EPHB6: variants seen among roughly 807,000 people sequenced by gnomAD.
EPHB6 encodes the protein ephrin type-B receptor 6.
In EPHB6, 51 loss-of-function variants were observed where a neutral mutation model predicts 107.0. That is an observed-to-expected ratio of 0.48 (90% CI 0.38 to 0.60). EPHB6 has a LOEUF of 0.60. Ranked by LOEUF, EPHB6 falls within the 20% of genes least tolerant of loss-of-function variation. EPHB6 has a pLI of 0.00. For synonymous variants in EPHB6, 553 were observed against 549.0 expected, an observed-to-expected ratio of 1.01 and a Z score of -0.10; for missense variants, 1,141 against 1,355.5, an observed-to-expected ratio of 0.84 and a Z score of 2.48.
chr7:142,863,473 G>C (rs145674909), intron 5 of EPHB6, 146 bp downstream of exon 5: 3 of 1,182,520 alleles, frequency 2.5e-6, no homozygotes, highest in Non-Finnish European at 3.8e-6. Context: ...ACCCACATCA[G>C]ATTTGTCAGA....
rs758344426 is a variant in EPHB6 at position 142,866,946 on chromosome 7, C to T, written c.1628C>T (p.Thr543Ile). ...ESHSFTLTSE[T>I]NTATVTQLSP... ...CACTCCTTCACCCTGACCAGCGAGA[C>T]CAACACTGCCACCGTGACACAGCTG... The change falls in exon 11 of 20, where the codon ACC (threonine) becomes ATC (isoleucine). Residue 543 changes from threonine to isoleucine, a missense_variant. Physicochemically the swap from Thr to Ile is moderately conservative, Grantham distance 89 (BLOSUM62 -1). Coordinates refer to ENST00000652003, the MANE Select transcript of EPHB6 (RefSeq NM_004445.6). This position sits in a 1 kb window ranked among gnomAD's most constrained non-coding sequence, Gnocchi z 5.2. 3.1e-6 allele frequency: 5 copies of T among 1,613,550 alleles called. No homozygotes were observed. Among genetic ancestry groups the T allele is most frequent in the East Asian group, 2.2e-5 (1 of 44,850 alleles).
chr7:142,866,881 G>A lies in EPHB6; in HGVS notation c.1588-25G>A, dbSNP rs1218724878. The A allele has an allele frequency of 2.5e-6, 4 of 1,614,020 alleles. No homozygotes were observed. In the East Asian group the frequency reaches 6.7e-5, roughly 27 times the overall value. On this transcript the variant is annotated intron_variant, in intron 10 of 19. Coordinates refer to ENST00000652003, the MANE Select transcript of EPHB6 (RefSeq NM_004445.6). This position sits in a 1 kb window ranked among gnomAD's most constrained non-coding sequence, Gnocchi z 5.2. The stretch of plus-strand genomic sequence containing the variant: ...AGCAGGGGCAAGAGGGGGCCAGGCA[G>A]GGAGTGAGTGGCTGTTACCCCCAGG...
rs1346553495 is a variant in EPHB6 at position 142,866,791 on chromosome 7, A to C, written c.1588-115A>C. Reference sequence around the variant, plus strand: ...CAAGGAGAGGTGCCCAGAAGTGTGCAGCACTGGGCATGTGTCTGAGAGCCC... The same window carrying C: ...CAAGGAGAGGTGCCCAGAAGTGTGCCGCACTGGGCATGTGTCTGAGAGCCC... On this transcript the variant is annotated intron_variant, in intron 10 of 19. Coordinates refer to ENST00000652003, the MANE Select transcript of EPHB6 (RefSeq NM_004445.6). The surrounding 1 kb of genome is among the most constrained non-coding windows in gnomAD (Gnocchi z 5.2). 5 of 1,588,984 alleles carry C rather than the reference A, an allele frequency of 3.1e-6. No homozygotes were observed. In the Admixed American group the frequency reaches 8.4e-5, roughly 27 times the overall value.
rs1794747605 is a variant in EPHB6, at chr7:142,868,801, G to C, written c.2286+62G>C. On this transcript the variant is annotated intron_variant, in intron 15 of 19. Coordinates refer to ENST00000652003, the MANE Select transcript of EPHB6 (RefSeq NM_004445.6). The surrounding 1 kb of genome is among the most constrained non-coding windows in gnomAD (Gnocchi z 4.2). ...GTCCAGGAAAGCTTCCAGGAGACGA[G>C]GTCCTGTATCTTTGCTTCTTACCAC... The C allele has an allele frequency of 6.2e-7, 1 of 1,612,606 alleles. No individual in the cohort carries two copies. Among genetic ancestry groups the C allele is most frequent in the Non-Finnish European group, 8.5e-7 (1 of 1,179,638 alleles).
intron 1 of EPHB6, among the ~76,000 whole-genome samples, chr7:142,856,683 C>A (rs749925978): frequency 6.6e-6 from 1 of 152,134 alleles, no homozygotes; most frequent in South Asian, 2.1e-4. Flanking sequence ...TCCCCGCCCC[C>A]CACTTGGCTC....
Position 142,870,684 on chromosome 7 carries a change from G to C in EPHB6, c.2959G>C (p.Glu987Gln), listed in dbSNP as rs767398773. ...CAGTGATGTGGCTCAGCTCAGCCTA[G>C]AGTAAGCAGGGAGTGGTGGGGTGGG... ...TFSDVAQLSL[E>Q]DLPALGITLA... Residue 987 changes from glutamate (E) to glutamine (Q), a missense_variant and splice_region_variant, in exon 19 of 20, where the codon GAA (glutamate) becomes CAA (glutamine). Coordinates refer to ENST00000652003, the MANE Select transcript of EPHB6 (RefSeq NM_004445.6). 4 of 1,614,120 alleles carry C rather than the reference G, an allele frequency of 2.5e-6. No homozygotes were observed. The highest frequency in any genetic ancestry group is 3.4e-6 in the Non-Finnish European group (4 of 1,180,046).
In EPHB6 at chr7:142,867,562, T is replaced by C. The variant is rs1206937792; in HGVS notation, c.1751-46T>C. The C allele has an allele frequency of 1.3e-6, 2 of 1,535,328 alleles. No individual in the cohort carries two copies. The highest frequency in any genetic ancestry group is 1.8e-5 in the Admixed American group (1 of 55,846). On this transcript the variant is annotated intron_variant, in intron 11 of 19. Coordinates refer to ENST00000652003, the MANE Select transcript of EPHB6 (RefSeq NM_004445.6). The surrounding 1 kb of genome is among the most constrained non-coding windows in gnomAD (Gnocchi z 5.3). Reference sequence around the variant, plus strand: ...GTGCCTGGGCACATGAACAAGCACCTGTGAGAGACCTGGCCCACCTGTGAC... The same window carrying C: ...GTGCCTGGGCACATGAACAAGCACCCGTGAGAGACCTGGCCCACCTGTGAC...
rs2116422033 is a variant in EPHB6 at position 142,864,359 on chromosome 7, G to A, written c.559G>A (p.Ala187Thr). Residue 187 changes from alanine (A) to threonine (T), a missense_variant, in exon 7 of 20, where the codon GCT (alanine) becomes ACT (threonine). Ala to Thr is a moderately conservative substitution (Grantham distance 58, BLOSUM62 0). This residue lies in a region of EPHB6 where 221 missense variants were observed against 300.5 expected (regional missense o/e 0.74). Coordinates refer to ENST00000652003, the MANE Select transcript of EPHB6 (RefSeq NM_004445.6). ...AGCGTGGGCTGTGGGACCCCACGGG[G>A]CTGGGCAGCGGGCTGGACTGCAACT... is the stretch of plus-strand genomic sequence containing the variant. ...SAAWAVGPHGAGQRAGLQLNV... is the reference protein window; with the variant it reads ...SAAWAVGPHGTGQRAGLQLNV... 1 of 1,613,382 alleles carries A rather than the reference G, an allele frequency of 6.2e-7. No individual in the cohort carries two copies. Among genetic ancestry groups the A allele is most frequent in the Non-Finnish European group, 8.5e-7 (1 of 1,180,036 alleles).
At position 142,863,691 on chromosome 7, in the gene EPHB6, G is replaced by A. The variant is rs533653752; in HGVS notation, c.161G>A (p.Gly54Glu). ...ATTGGCTGGCTCACCTACCCACCAG[G>A]GGGGGTGAGTGCCACTCTAATTCTG... ...SEIGWLTYPP[G>E]GWDEVSVLDD... The change falls in exon 6 of 20, where the codon GGG (glycine) becomes GAG (glutamate). Residue 54 changes from glycine (G) to glutamate (E), a missense_variant. Around this residue, in one of 3 missense-constraint regions of EPHB6, gnomAD observed 221 missense variants for 300.5 expected, o/e 0.74. Transcript: ENST00000652003. 32 of 1,613,870 alleles carry A rather than the reference G, an allele frequency of 2.0e-5. No homozygotes were observed. The highest frequency in any genetic ancestry group is 1.3e-4 in the South Asian group (12 of 91,072).
At chr7:142,857,189 C>T (rs1207244621) in intron 1 of EPHB6, among the ~76,000 whole-genome samples, 1 of 152,218 alleles carries the variant, frequency 6.6e-6, no homozygotes, top group Non-Finnish European at 1.5e-5. Flanking sequence ...GTGGGAGGCA[C>T]ATTTGTCTGA....
intron 1 of EPHB6, among the ~76,000 whole-genome samples, chr7:142,860,220 T>C (rs1025694206): frequency 6.6e-6 from 1 of 152,254 alleles, no homozygotes; most frequent in Non-Finnish European, 1.5e-5. Flanking sequence ...GTTTCTTCTT[T>C]GTACAGATTA....
At position 142,868,246 on chromosome 7, in the gene EPHB6, G is replaced by T; in HGVS notation, c.1924G>T (p.Gly642Trp). The T allele has an allele frequency of 1.2e-6, 2 of 1,614,076 alleles. No individual in the cohort carries two copies. The highest frequency in any genetic ancestry group is 1.7e-6 in the Non-Finnish European group (2 of 1,179,994). ...QLQQYSSPGL[G>W]VKYYIDPSTY... ...CATACTCCACACCCCTCCAGGACTCGGGGTGAAGTATTACATCGACCCCTC... is the reference window on the plus strand; with the variant it reads ...CATACTCCACACCCCTCCAGGACTCTGGGTGAAGTATTACATCGACCCCTC... The change falls in exon 14 of 20, where the codon GGG (glycine) becomes TGG (tryptophan). Residue 642 changes from glycine to tryptophan, a missense_variant. This residue lies in a region of EPHB6 where 616 missense variants were observed against 759.3 expected (regional missense o/e 0.81). Transcript: ENST00000652003. The surrounding 1 kb of genome is among the most constrained non-coding windows in gnomAD (Gnocchi z 4.2).
In EPHB6 at chr7:142,867,128, G is replaced by T; in HGVS notation, c.1750+60G>T. 1 of 1,579,226 alleles carries T rather than the reference G, an allele frequency of 6.3e-7. No individual in the cohort carries two copies. The highest frequency in any genetic ancestry group is 8.6e-7 in the Non-Finnish European group (1 of 1,162,546). ...AGGCCCAAGTGGGTAGTGAGGAGAG[G>T]CCCAGGGACTGTCCGGCCTTGAACC... On this transcript the variant is annotated intron_variant, in intron 11 of 19. Transcript: ENST00000652003. The surrounding 1 kb of genome is among the most constrained non-coding windows in gnomAD (Gnocchi z 5.3).
rs1280414191 is a variant in EPHB6, at chr7:142,867,033, A to T, written c.1715A>T (p.Tyr572Phe). ...RARTAAGHGP[Y>F]GGKVYFQTLP... is the part of the protein sequence containing the mutation. ...CGGACTGCTGCCGGCCACGGCCCCT[A>T]CGGGGGCAAAGTCTATTTCCAGACA... Residue 572 changes from tyrosine (Y) to phenylalanine (F), a missense_variant, in exon 11 of 20, where the codon TAC (tyrosine) becomes TTC (phenylalanine). By Grantham distance (22) the Tyr-to-Phe change is conservative (BLOSUM62 3). This residue lies in a region of EPHB6 where 616 missense variants were observed against 759.3 expected (regional missense o/e 0.81). Coordinates refer to ENST00000652003, the MANE Select transcript of EPHB6 (RefSeq NM_004445.6). This position sits in a 1 kb window ranked among gnomAD's most constrained non-coding sequence, Gnocchi z 5.3. 1 of 1,613,778 alleles carries T rather than the reference A, an allele frequency of 6.2e-7. No individual in the cohort carries two copies.
chr7:142,863,526 A>C, intron 5 of EPHB6, 105 bp from the exon 6 acceptor site: 5 of 1,415,720 alleles, frequency 3.5e-6, no homozygotes, highest in East Asian at 2.3e-5. Flanking sequence ...TGGCAAAGAC[A>C]TGGGCCCGGG....
chr7:142,866,188 G>A lies in EPHB6; in HGVS notation c.1334G>A (p.Arg445Gln), dbSNP rs752550289. ...CGCCAGAGAGGCCTGACTGAGAGCC[G>A]AGTGTTAGTGGGGGGACTCCGGGCA... ...DPRQRGLTES[R>Q]VLVGGLRAHV... Residue 445 changes from arginine to glutamine, a missense_variant, in exon 9 of 20, where the codon CGA becomes CAA. By Grantham distance (43) the Arg-to-Gln change is conservative. Transcript: ENST00000652003. This position sits in a 1 kb window ranked among gnomAD's most constrained non-coding sequence, Gnocchi z 5.2. 15 of 1,614,130 alleles carry A rather than the reference G, an allele frequency of 9.3e-6. No homozygotes were observed. The highest frequency in any genetic ancestry group is 2.2e-5 in the South Asian group (2 of 91,080).
At chr7:142,870,707 G>A (rs2116495514) in intron 19 of EPHB6, 22 bp downstream of exon 19, 21 of 1,614,218 alleles carry the variant, frequency 1.3e-5, no homozygotes, top group Admixed American at 1.7e-5. Context: ...GTGGTGGGGT[G>A]GGGGCGAATG....
rs757321011 is a variant in EPHB6 at position 142,870,319 on chromosome 7, C to T, written c.2716C>T (p.Arg906Trp). The T allele has an allele frequency of 5.6e-6, 9 of 1,614,110 alleles. No homozygotes were observed. In the East Asian group the frequency reaches 8.9e-5, roughly 16 times the overall value. Residue 906 changes from arginine (R) to tryptophan (W), a missense_variant, in exon 18 of 20, where the codon CGG becomes TGG. Arg to Trp is a moderately radical substitution (Grantham distance 101). Coordinates refer to ENST00000652003, the MANE Select transcript of EPHB6 (RefSeq NM_004445.6). Reference protein sequence around the residue: ...LDTWQKDRARRPHFDQLVAAF... With the variant: ...LDTWQKDRARWPHFDQLVAAF... ...CACTTGGCAGAAGGACCGTGCCCGG[C>T]GGCCTCATTTTGACCAGCTGGTGGC... is the stretch of plus-strand genomic sequence containing the variant.
Position 142,868,065 on chromosome 7 carries a change from G to C in EPHB6, c.1918+16G>C. Reference sequence around the variant, plus strand: ...AGCAGCCCAGGTGGGGATGAGGAGAGGAAATGGGTGGGGCTGGGGAACACA... The same window carrying C: ...AGCAGCCCAGGTGGGGATGAGGAGACGAAATGGGTGGGGCTGGGGAACACA... On this transcript the variant is annotated intron_variant, in intron 13 of 19. Coordinates refer to ENST00000652003, the MANE Select transcript of EPHB6 (RefSeq NM_004445.6). This position sits in a 1 kb window ranked among gnomAD's most constrained non-coding sequence, Gnocchi z 4.2. The C allele has an allele frequency of 6.2e-7, 1 of 1,608,602 alleles. No homozygotes were observed. Among genetic ancestry groups the C allele is most frequent in the Non-Finnish European group, 8.5e-7 (1 of 1,177,502 alleles).
Sources: gnomAD v4.1 joint callset for allele counts (sites outside exome capture counted in the v4.1 genomes callset) on GRCh38, gnomAD v4.1.1 for gene constraint, gnomAD v4.1.1 regional missense constraint, Gnocchi (gnomAD v3.1) non-coding constraint, MANE v1.5 for transcripts, NCBI Gene and HGNC (gene_info 2026-07-23, HGNC 2026-07-21) for gene names.